The following HRH1 variants were observed in gnomAD, a reference collection of about 807,000 sequenced individuals.
HRH1 encodes histamine receptor H1.
In HRH1, 6 loss-of-function variants were observed where a neutral mutation model predicts 10.3. The observed-to-expected ratio is 0.58, with a 90% CI of 0.32 to 1.15. The LOEUF is 1.15. HRH1 is among the 50% of genes most tolerant of loss of function. The pLI, the probability that HRH1 is intolerant of heterozygous loss-of-function variation, is 0.05. For synonymous variants in HRH1, 242 were observed against 236.7 expected (o/e 1.02, Z -0.21); for missense variants, 514 against 615.3 (o/e 0.84, Z 1.74).
At chr3:11,211,587 C>G (rs1333002241) in intron 1 of HRH1, among the ~76,000 whole-genome samples, 1 of 152,190 alleles carries the variant, frequency 6.6e-6, no homozygotes, top group African/African-American at 2.4e-5. Flanking sequence ...AGCTCCATGC[C>G]TCAGCACCGG....
rs549098024 is a variant in HRH1 at position 11,212,547 on chromosome 3, A to G, written c.-35-46456A>G. Among the ~76,000 whole-genome samples, 154 of 152,306 alleles carry G rather than the reference A, an allele frequency of 1.0e-3. 1 individual carries two copies. The highest frequency in any genetic ancestry group is 1.2e-3 in the Non-Finnish European group (85 of 68,026). ...CAGTCCTGTGCTGTGGGAGCCTCAG[A>G]GACTCCCGGCAACCAAGGCAATGGG... On this transcript the variant is annotated intron_variant, in intron 1 of 1. Transcript: ENST00000431010.
chr3:11,172,279 G>T (rs1021795249), intron 1 of HRH1, among the ~76,000 whole-genome samples: 12 of 152,230 alleles, frequency 7.9e-5, no homozygotes, highest in Non-Finnish European at 1.6e-4. Flanking sequence ...GGGTGGAGGT[G>T]CAGGGGCCCA....
chr3:11,229,927 G>A (rs1938996112), intron 1 of HRH1, among the ~76,000 whole-genome samples: 1 of 152,192 alleles, frequency 6.6e-6, no homozygotes, highest in African/African-American at 2.4e-5. Flanking sequence ...GTAACTGAAG[G>A]AGAAAAATGT....
chr3:11,152,102 T>C (rs1936643201), upstream of HRH1, among the ~76,000 whole-genome samples: 1 of 152,170 alleles, frequency 6.6e-6, no homozygotes, highest in Admixed American at 6.5e-5. Context: ...GAAGACTTAC[T>C]AGCTGTATAC....
intron 1 of HRH1, among the ~76,000 whole-genome samples, chr3:11,204,246 A>G (rs1050523957): frequency 6.6e-6 from 1 of 152,140 alleles, no homozygotes; most frequent in Non-Finnish European, 1.5e-5. Context: ...AGAGAACACA[A>G]TAGAAGTGTT....
At chr3:11,241,942 C>T (rs533189039) in intron 1 of HRH1, among the ~76,000 whole-genome samples, 5 of 152,070 alleles carry the variant, frequency 3.3e-5, no homozygotes, top group East Asian at 3.9e-4. Flanking sequence ...TACCAGTGGG[C>T]GCTCTCTAAA....
intron 1 of HRH1, among the ~76,000 whole-genome samples, chr3:11,173,120 C>T (rs759026604): frequency 3.0e-4 from 45 of 152,276 alleles, no homozygotes; most frequent in Admixed American, 4.6e-4. Flanking sequence ...ATATGCCCTT[C>T]TTAGGGGCTT....
At chr3:11,140,545 T>A (rs1236165243) in intron 1 of HRH1, among the ~76,000 whole-genome samples, 1 of 151,986 alleles carries the variant, frequency 6.6e-6, no homozygotes, top group Non-Finnish European at 1.5e-5. Flanking sequence ...TCTCAAACCC[T>A]CCCAGGCACC....
intron 1 of HRH1, among the ~76,000 whole-genome samples, chr3:11,246,455 C>T (rs115794997): frequency 1.3e-5 from 2 of 152,196 alleles, no homozygotes; most frequent in South Asian, 4.1e-4. Flanking sequence ...CTCCCACACT[C>T]TTGGCCATAG....
At chr3:11,193,595 A>C (rs6798202) in intron 1 of HRH1, among the ~76,000 whole-genome samples, 46,177 of 151,470 alleles carry the variant, frequency 0.3, 7,557 homozygotes, top group African/African-American at 0.4. Flanking sequence ...GTCTTAGTCC[A>C]TTCAGGCTGC....
intron 1 of HRH1, among the ~76,000 whole-genome samples, chr3:11,142,436 G>A (rs1411159010): frequency 6.6e-6 from 1 of 152,158 alleles, no homozygotes; most frequent in African/African-American, 2.4e-5. Context: ...GGTACAGTGA[G>A]GAAAAAGACA....
chr3:11,179,212 C>G (rs1220628673), intron 1 of HRH1, among the ~76,000 whole-genome samples: 1 of 151,942 alleles, frequency 6.6e-6, no homozygotes, highest in Non-Finnish European at 1.5e-5. Context: ...CGCTGGAACC[C>G]AGGAGGCAGA....
chr3:11,234,717 G>C, intron 1 of HRH1: 1 of 912,850 alleles, frequency 1.1e-6, no homozygotes, highest in Non-Finnish European at 1.8e-6. Context: ...CAGAAGTGGC[G>C]GTGGCAGCAG....
At position 11,233,071 on chromosome 3, in the gene HRH1, G is replaced by A. The variant is rs143794155; in HGVS notation, c.-35-25932G>A. Among the ~76,000 whole-genome samples the A allele has an allele frequency of 2.4e-3, 372 of 152,122 alleles. 3 individuals carry two copies. The highest frequency in any genetic ancestry group is 0.014 in the Middle Eastern group (4 of 294). ...ATTTTCAAGAGTTTAATTATTATGT[G>A]CTTTGATGTATATTTGGGGGGCTTA... On this transcript the variant is annotated intron_variant, in intron 1 of 1. Coordinates refer to ENST00000431010, the MANE Select transcript of HRH1 (RefSeq NM_001098212.2).
upstream of HRH1, among the ~76,000 whole-genome samples, chr3:11,152,701 A>G (rs1041457087): frequency 2.0e-5 from 3 of 149,978 alleles, no homozygotes; most frequent in African/African-American, 7.4e-5. Context: ...TTTCCTTTAG[A>G]ATTTATAACA....
At chr3:11,209,778 G>C (rs1046982651) in intron 1 of HRH1, among the ~76,000 whole-genome samples, 7 of 152,186 alleles carry the variant, frequency 4.6e-5, no homozygotes, top group African/African-American at 1.7e-4. Context: ...CATTATTTTG[G>C]TGAATTAGTA....
intron 1 of HRH1, among the ~76,000 whole-genome samples, chr3:11,205,993 C>T (rs1018862164): frequency 2.0e-5 from 3 of 152,002 alleles, no homozygotes; most frequent in Admixed American, 6.6e-5. Context: ...CAGATGGCTG[C>T]CATTTGGGGC....
In HRH1 at chr3:11,154,862, G is replaced by A. The variant is rs921648974; in HGVS notation, c.-36+308G>A. Among the ~76,000 whole-genome samples, 27 of 152,310 alleles carry A rather than the reference G, an allele frequency of 1.8e-4. 2 individuals are homozygous for A. Among genetic ancestry groups the A allele is most frequent in the African/African-American group, 6.0e-4 (25 of 41,574 alleles). On this transcript the variant is annotated intron_variant, in intron 1 of 1. Coordinates refer to ENST00000431010, the MANE Select transcript of HRH1 (RefSeq NM_001098212.2). This position sits in a 1 kb window ranked among gnomAD's most constrained non-coding sequence, Gnocchi z 4.4. ...GCCCTGAGCGTCCGTCTTTGAGCTC[G>A]GGCGAGCAGAGGGGGAGCCTCGTTT...
intron 1 of HRH1, among the ~76,000 whole-genome samples, chr3:11,146,568 C>T (rs1936451140): frequency 6.6e-6 from 1 of 152,188 alleles, no homozygotes; most frequent in South Asian, 2.1e-4. Context: ...AGAGCTGGAG[C>T]ATCCACAAGG....
Sources: gnomAD v4.1 joint callset for allele counts (sites outside exome capture counted in the v4.1 genomes callset) on GRCh38, gnomAD v4.1.1 for gene constraint, Gnocchi (gnomAD v3.1) non-coding constraint, MANE v1.5 for transcripts, NCBI Gene and HGNC (gene_info 2026-07-23, HGNC 2026-07-21) for gene names.